SLCO6A1: variants seen among roughly 807,000 people sequenced by gnomAD.
SLCO6A1 encodes solute carrier organic anion transporter family member 6A1.
Under a neutral mutation model 72.7 loss-of-function variants are expected in SLCO6A1, and 65 were observed. The ratio of observed to expected loss-of-function variants is 0.89; its 90% CI spans 0.73 to 1.10. SLCO6A1 has a LOEUF of 1.10. Among genes scored for constraint, SLCO6A1 ranks in the 50% least tolerant of loss-of-function variants. The pLI, the probability that SLCO6A1 is intolerant of heterozygous loss-of-function variation, is 0.00. For synonymous variants in SLCO6A1, 314 were observed against 298.2 expected (o/e 1.05, Z -0.55); for missense variants, 874 against 872.6 (o/e 1.00, Z -0.02).
chr5:102,378,596 T>C (rs1356004979), intron 12 of SLCO6A1, among the ~76,000 whole-genome samples: 2 of 144,170 alleles, frequency 1.4e-5, no homozygotes, highest in Non-Finnish European at 3.1e-5. Context: ...AAACCAAAAT[T>C]ATGTAAGTGG....
intron 9 of SLCO6A1, among the ~76,000 whole-genome samples, chr5:102,403,530 C>A (rs1431529379): frequency 6.6e-6 from 1 of 152,010 alleles, no homozygotes; most frequent in African/African-American, 2.4e-5. Context: ...AATATGCTCC[C>A]ATTTGTATAG....
At chr5:102,409,502 C>T (rs1043033503) in intron 9 of SLCO6A1, among the ~76,000 whole-genome samples, 1 of 151,806 alleles carries the variant, frequency 6.6e-6, no homozygotes, top group African/African-American at 2.4e-5. Flanking sequence ...TTATTGGTAT[C>T]GATCTTTTCC....
intron 1 of SLCO6A1, among the ~76,000 whole-genome samples, chr5:102,497,478 C>G (rs1752960157): frequency 6.6e-6 from 1 of 152,206 alleles, no homozygotes; most frequent in African/African-American, 2.4e-5. Flanking sequence ...CTGCAGCTGG[C>G]TATCTGGAAG....
At chr5:102,493,121 A>T (rs908994512) in intron 1 of SLCO6A1, among the ~76,000 whole-genome samples, 24 of 152,114 alleles carry the variant, frequency 1.6e-4, no homozygotes, top group African/African-American at 5.1e-4. Flanking sequence ...TTCAGAAAAA[A>T]TGAGGAGGAA....
chr5:102,423,907 A>G (rs1748746608), intron 7 of SLCO6A1, among the ~76,000 whole-genome samples: 1 of 152,204 alleles, frequency 6.6e-6, no homozygotes, highest in African/African-American at 2.4e-5. Context: ...AAAGAATGGA[A>G]ATCATAACAA....
intron 6 of SLCO6A1, among the ~76,000 whole-genome samples, chr5:102,442,100 A>C (rs963862441): frequency 6.6e-6 from 1 of 152,222 alleles, no homozygotes; most frequent in Admixed American, 6.5e-5. Context: ...TACTAGCTGC[A>C]ACAGGCAGAA....
chr5:102,382,672 T>G (rs1438939610), intron 12 of SLCO6A1, among the ~76,000 whole-genome samples: 1 of 151,550 alleles, frequency 6.6e-6, no homozygotes, highest in Non-Finnish European at 1.5e-5. Context: ...ATCAATCTCT[T>G]ATGATTTTCA....
At chr5:102,453,201 A>G (rs1750519511) in intron 6 of SLCO6A1, among the ~76,000 whole-genome samples, 1 of 152,028 alleles carries the variant, frequency 6.6e-6, no homozygotes, top group Non-Finnish European at 1.5e-5. Context: ...TCTACATAAA[A>G]TTTAAAAATT....
intron 10 of SLCO6A1, among the ~76,000 whole-genome samples, chr5:102,398,395 C>A (rs1417625035): frequency 6.6e-6 from 1 of 152,076 alleles, no homozygotes; most frequent in Non-Finnish European, 1.5e-5. Context: ...CCAGGCTGGT[C>A]TCGAATTCCT....
chr5:102,464,036 G>T (rs144168337), intron 4 of SLCO6A1, among the ~76,000 whole-genome samples: 2 of 152,212 alleles, frequency 1.3e-5, no homozygotes, highest in Non-Finnish European at 2.9e-5. Flanking sequence ...TTGGGGACTT[G>T]CAGGGAAGGG....
intron 4 of SLCO6A1, 24 bp downstream of exon 4, chr5:102,475,673 A>T: frequency 1.3e-6 from 2 of 1,552,852 alleles, no homozygotes; most frequent in Non-Finnish European, 1.7e-6. Flanking sequence ...AATGTAAACA[A>T]AAAAAGAAAA....
At chr5:102,478,854 G>C (rs986190847) in intron 2 of SLCO6A1, among the ~76,000 whole-genome samples, 1 of 152,168 alleles carries the variant, frequency 6.6e-6, no homozygotes, top group Non-Finnish European at 1.5e-5. Context: ...TAGTATCCAT[G>C]TGAAATGATT....
At chr5:102,477,563 A>T in intron 3 of SLCO6A1, 113 bp downstream of exon 3, 1 of 783,354 alleles carries the variant, frequency 1.3e-6, no homozygotes, top group Non-Finnish European at 2.0e-6. Flanking sequence ...ATTATCATTT[A>T]TTACAATGTT....
intron 6 of SLCO6A1, among the ~76,000 whole-genome samples, chr5:102,450,172 A>G (rs995274484): frequency 6.6e-6 from 1 of 152,138 alleles, no homozygotes; most frequent in African/African-American, 2.4e-5. Flanking sequence ...CTGGGGAGCT[A>G]GTGAGGTTGT....
At chr5:102,416,323 T>G (rs1351273258) in intron 8 of SLCO6A1, among the ~76,000 whole-genome samples, 1 of 151,950 alleles carries the variant, frequency 6.6e-6, no homozygotes, top group Non-Finnish European at 1.5e-5. Flanking sequence ...AACAGATGAT[T>G]GAATTAAAAA....
chr5:102,437,756 G>T (rs1388361711), intron 7 of SLCO6A1, among the ~76,000 whole-genome samples: 1 of 151,894 alleles, frequency 6.6e-6, no homozygotes, highest in Non-Finnish European at 1.5e-5. Context: ...TTTGTTTTCT[G>T]TCATTCCTTT....
intron 4 of SLCO6A1, 55 bp from the exon 5 acceptor site, chr5:102,459,832 A>C: frequency 6.9e-7 from 1 of 1,453,480 alleles, no homozygotes; most frequent in Non-Finnish European, 9.2e-7. Flanking sequence ...GATTACAACA[A>C]AACCATAATC....
intron 7 of SLCO6A1, among the ~76,000 whole-genome samples, chr5:102,429,697 G>T (rs1051727703): frequency 1.3e-5 from 2 of 152,112 alleles, no homozygotes; most frequent in Non-Finnish European, 2.9e-5. Context: ...TGCTGTTTTG[G>T]TTACTGTAGC....
intron 9 of SLCO6A1, among the ~76,000 whole-genome samples, chr5:102,410,599 T>C (rs1174861309): frequency 3.3e-5 from 5 of 152,224 alleles, no homozygotes; most frequent in Admixed American, 2.6e-4. Flanking sequence ...ACTTGGGATA[T>C]TAAAAAATTA....
Sources: gnomAD v4.1 joint callset for allele counts (sites outside exome capture counted in the v4.1 genomes callset) on GRCh38, gnomAD v4.1.1 for gene constraint, MANE v1.5 for transcripts, NCBI Gene and HGNC (gene_info 2026-07-23, HGNC 2026-07-21) for gene names.